Variants in ARMC2 observed in about 807,000 individuals in gnomAD.
The protein encoded by ARMC2 is armadillo repeat-containing protein 2.
Under a neutral mutation model 90.3 loss-of-function variants are expected in ARMC2, and 67 were observed. The ratio of observed to expected loss-of-function variants is 0.74; its 90% confidence interval spans 0.61 to 0.91. The LOEUF is 0.91. Among genes scored for constraint, ARMC2 ranks in the 40% least tolerant of loss-of-function variants. The pLI, the probability that ARMC2 is intolerant of heterozygous loss-of-function variation, is 0.00. For missense variants in ARMC2, 920 were observed against 1,030.9 expected, an observed-to-expected ratio of 0.89 and a Z score of 1.47; for synonymous variants, 393 against 393.0, an observed-to-expected ratio of 1.00 and a Z score of 0.00.
At chr6:108,989,505 C>CTA in the ARMC2 span, among the ~76,000 whole-genome samples, 2 of 145,966 alleles carry the variant, frequency 1.4e-5, no homozygotes, top group African/African-American at 5.1e-5. Flanking sequence ...CTAGAGATAT[C>CTA]TATATATATA....
intron 8 of ARMC2, among the ~76,000 whole-genome samples, chr6:108,905,973 G>A (rs752803697): frequency 2.0e-5 from 3 of 152,058 alleles, no homozygotes; most frequent in East Asian, 1.9e-4. Flanking sequence ...TTGGTGATGC[G>A]GTTCTATGTA....
chr6:109,042,564 G>T, the ARMC2 span, among the ~76,000 whole-genome samples: 1 of 146,774 alleles, frequency 6.8e-6, no homozygotes, highest in Non-Finnish European at 1.5e-5. Flanking sequence ...AAGACCAAAA[G>T]ATAATAATGG....
intron 10 of ARMC2, among the ~76,000 whole-genome samples, chr6:108,919,485 C>T (rs73762606): frequency 0.017 from 2,593 of 151,982 alleles, 83 homozygotes; most frequent in African/African-American, 0.06. Flanking sequence ...GCAAATAGCC[C>T]CATGATTGTA....
chr6:108,944,516 C>T (rs917432988), intron 12 of ARMC2, among the ~76,000 whole-genome samples: 24 of 152,234 alleles, frequency 1.6e-4, no homozygotes, highest in African/African-American at 5.3e-4. Context: ...CCCTTAGAGC[C>T]GCCTGTCCAA....
rs34790939 is a variant in ARMC2, at chr6:108,927,709, T to TAA, written c.1351-368_1351-367dup. 1.4e-3 allele frequency among the ~76,000 whole-genome samples: 197 copies of TAA among 145,172 alleles called. 2 individuals carry two copies. The highest frequency in any genetic ancestry group is 5.8e-3 in the East Asian group (29 of 4,988). Reference sequence around the variant, plus strand: ...AATCAGACAAGAATACCTATAAAATTAAAAAAAAAAAAGAAAGAAAAACAT... The same window carrying TAA: ...AATCAGACAAGAATACCTATAAAATTAAAAAAAAAAAAAAGAAAGAAAAACAT... On this transcript the variant is annotated intron_variant, in intron 10 of 17. Coordinates refer to ENST00000392644, the MANE Select transcript of ARMC2 (RefSeq NM_032131.6).
At chr6:108,905,776 C>T (rs892339613) in intron 8 of ARMC2, among the ~76,000 whole-genome samples, 9 of 152,128 alleles carry the variant, frequency 5.9e-5, no homozygotes, top group Non-Finnish European at 8.8e-5. Context: ...GTGACATTGA[C>T]GGCCTTGCTG....
chr6:108,960,071 C>G (rs986650380), intron 13 of ARMC2, among the ~76,000 whole-genome samples: 2 of 152,200 alleles, frequency 1.3e-5, no homozygotes, highest in Admixed American at 1.3e-4. Context: ...CAACTGTCTA[C>G]CCCTCCTCTC....
intron 10 of ARMC2, among the ~76,000 whole-genome samples, chr6:108,921,347 G>A (rs1583123205): frequency 6.6e-6 from 1 of 152,220 alleles, no homozygotes; most frequent in Admixed American, 6.5e-5. Flanking sequence ...GTAGGACATT[G>A]GAGGTTTAAG....
chr6:108,997,132 CAA>C, the ARMC2 span, among the ~76,000 whole-genome samples: 14,960 of 152,146 alleles, frequency 0.098, 897 homozygotes, highest in Middle Eastern at 0.19. Flanking sequence ...AGCTCACTGT[CAA>C]AGTGTCATCA....
chr6:108,859,879 T>A (rs1775034703), intron 3 of ARMC2, among the ~76,000 whole-genome samples: 2 of 152,008 alleles, frequency 1.3e-5, no homozygotes, highest in African/African-American at 2.4e-5. Context: ...TGGTGCATGT[T>A]TGCAATCCCA....
the ARMC2 span, among the ~76,000 whole-genome samples, chr6:108,982,781 G>A: frequency 2.0e-5 from 3 of 150,892 alleles, no homozygotes; most frequent in Admixed American, 2.0e-4. Context: ...ATCATCTTTG[G>A]AGAAATGTCT....
chr6:108,923,443 T>C (rs973940921), intron 10 of ARMC2, among the ~76,000 whole-genome samples: 1 of 151,998 alleles, frequency 6.6e-6, no homozygotes, highest in Non-Finnish European at 1.5e-5. Context: ...ACAGAACTCA[T>C]TGATAATTTT....
chr6:108,983,623 C>G, the ARMC2 span, among the ~76,000 whole-genome samples: 1 of 152,128 alleles, frequency 6.6e-6, no homozygotes, highest in African/African-American at 2.4e-5. Context: ...TGTGCCAGTT[C>G]CACATTATTT....
intron 6 of ARMC2, among the ~76,000 whole-genome samples, chr6:108,894,760 CTT>C (rs1046472191): frequency 1.9e-5 from 2 of 103,374 alleles, no homozygotes; most frequent in African/African-American, 3.9e-5. Context: ...AGATGACAGT[CTT>C]TTTTTTTTTT....
chr6:108,900,272 G>T (rs1771992551), intron 7 of ARMC2, among the ~76,000 whole-genome samples: 1 of 152,232 alleles, frequency 6.6e-6, no homozygotes. Flanking sequence ...GCCACCCACA[G>T]CATGGGAAAT....
At chr6:109,042,896 T>C in the ARMC2 span, among the ~76,000 whole-genome samples, 1 of 151,260 alleles carries the variant, frequency 6.6e-6, no homozygotes, top group Admixed American at 6.6e-5. Flanking sequence ...ACAAAGACAA[T>C]ACAAAAAAAG....
At chr6:108,961,415 C>T (rs867601405) in intron 13 of ARMC2, among the ~76,000 whole-genome samples, 157 bp from the exon 14 acceptor site, 13 of 152,134 alleles carry the variant, frequency 8.5e-5, no homozygotes, top group African/African-American at 2.4e-4. Flanking sequence ...CAGGAGGAGT[C>T]GGGGGAAATC....
chr6:108,898,753 C>A (rs920201309), intron 6 of ARMC2, among the ~76,000 whole-genome samples: 4 of 152,166 alleles, frequency 2.6e-5, no homozygotes, highest in African/African-American at 9.7e-5. Flanking sequence ...GCTCCACTTT[C>A]TTCACTTGCA....
chr6:108,980,813 C>T, the ARMC2 span, among the ~76,000 whole-genome samples: 1 of 152,178 alleles, frequency 6.6e-6, no homozygotes, highest in Non-Finnish European at 1.5e-5. Flanking sequence ...TCTCTTGAAC[C>T]TCGGAGGTGG....
Sources: allele counts gnomAD v4.1 joint callset (sites outside exome capture counted in the v4.1 genomes callset), GRCh38; gene constraint gnomAD v4.1.1; transcripts MANE v1.5; gene names NCBI Gene and HGNC (gene_info 2026-07-23, HGNC 2026-07-21).